CTNNA3: variants seen among roughly 807,000 people sequenced by gnomAD.
CTNNA3 encodes the protein catenin alpha-3.
Under a neutral mutation model 95.7 loss-of-function variants are expected in CTNNA3, and 76 were observed. The ratio of observed to expected loss-of-function variants is 0.79; its 90% CI spans 0.66 to 0.96. The LOEUF is 0.96. Ranked by LOEUF, CTNNA3 falls within the 40% of genes least tolerant of loss-of-function variation. CTNNA3 has a pLI of 0.00. For synonymous variants in CTNNA3, 431 were observed against 374.4 expected (o/e 1.15, Z -1.74); for missense variants, 1,191 against 1,089.8 (o/e 1.09, Z -1.31).
At chr10:66,013,084 G>A (rs1255654748) in intron 15 of CTNNA3, among the ~76,000 whole-genome samples, 2 of 152,132 alleles carry the variant, frequency 1.3e-5, no homozygotes, top group African/African-American at 4.8e-5. Flanking sequence ...TATTTTTAGT[G>A]GAGACAGTGT....
chr10:67,057,672 T>C (rs1253864750), intron 7 of CTNNA3, among the ~76,000 whole-genome samples: 3 of 152,088 alleles, frequency 2.0e-5, no homozygotes, highest in African/African-American at 4.8e-5. Flanking sequence ...CTCAGGAAAG[T>C]TGTAAGTTTG....
At chr10:67,345,079 C>G (rs970219977) in intron 5 of CTNNA3, among the ~76,000 whole-genome samples, 4 of 151,600 alleles carry the variant, frequency 2.6e-5, no homozygotes, top group Admixed American at 2.0e-4. Flanking sequence ...TTTCAATTTC[C>G]TTCTTAATTT....
At chr10:66,771,107 G>A (rs146707283) in intron 8 of CTNNA3, among the ~76,000 whole-genome samples, 47 of 152,210 alleles carry the variant, frequency 3.1e-4, no homozygotes, top group African/African-American at 1.0e-3. Context: ...CAACATGGAA[G>A]AGAGATGGAC....
intron 15 of CTNNA3, among the ~76,000 whole-genome samples, chr10:65,990,199 G>A (rs756945515): frequency 6.6e-6 from 1 of 151,728 alleles, no homozygotes; most frequent in Non-Finnish European, 1.5e-5. Flanking sequence ...TAGGGGTGCA[G>A]GTATCCTTTT....
At chr10:67,716,469 C>A (rs1256202225) in intron 1 of CTNNA3, among the ~76,000 whole-genome samples, 1 of 152,186 alleles carries the variant, frequency 6.6e-6, no homozygotes, top group Non-Finnish European at 1.5e-5. Flanking sequence ...CTCTCCCTCC[C>A]CTAGCCTCCA....
rs1348765576 is a variant in CTNNA3 at position 66,989,428 on chromosome 10, G to A, written c.1047+190889C>T. Among the ~76,000 whole-genome samples, 7 of 152,244 alleles carry A rather than the reference G, an allele frequency of 4.6e-5. No individual in the cohort carries two copies. The East Asian group carries it at 1.2e-3, about 25-fold the overall frequency. On this transcript the variant is annotated intron_variant, in intron 7 of 17. Transcript: ENST00000433211. ...TATATTTGTAGGTATAACAGAATTA[G>A]ACTACTTTAATAGCTGAATTCATTT...
At chr10:66,589,629 A>G (rs992283808) in intron 10 of CTNNA3, among the ~76,000 whole-genome samples, 3 of 152,104 alleles carry the variant, frequency 2.0e-5, no homozygotes, top group African/African-American at 2.4e-5. Context: ...CCTTTTTACA[A>G]TTTTCAAGAG....
At chr10:67,472,633 C>T (rs1847871177) in intron 5 of CTNNA3, among the ~76,000 whole-genome samples, 1 of 152,156 alleles carries the variant, frequency 6.6e-6, no homozygotes, top group Admixed American at 6.5e-5. Flanking sequence ...CATGCATAAT[C>T]CACCCCTTAG....
chr10:67,671,821 C>T (rs1257454822), intron 1 of CTNNA3, among the ~76,000 whole-genome samples: 1 of 151,672 alleles, frequency 6.6e-6, no homozygotes, highest in Non-Finnish European at 1.5e-5. Context: ...AATAAACATA[C>T]GTGTGCATGT....
At chr10:67,669,159 G>C (rs543220462) in intron 1 of CTNNA3, among the ~76,000 whole-genome samples, 2 of 152,208 alleles carry the variant, frequency 1.3e-5, no homozygotes, top group African/African-American at 4.8e-5. Flanking sequence ...AATTACAGCA[G>C]TGGGCTCTTA....
chr10:65,980,047 T>C (rs1353953964), intron 16 of CTNNA3, among the ~76,000 whole-genome samples: 10 of 151,902 alleles, frequency 6.6e-5, no homozygotes, highest in Non-Finnish European at 1.5e-4. Context: ...GCTGGTTCTT[T>C]GAAAAAATAA....
chr10:66,878,149 C>G (rs1219476804), intron 7 of CTNNA3, among the ~76,000 whole-genome samples: 1 of 152,044 alleles, frequency 6.6e-6, no homozygotes, highest in Non-Finnish European at 1.5e-5. Flanking sequence ...TCATTTTTTT[C>G]CATGAATGGG....
intron 5 of CTNNA3, among the ~76,000 whole-genome samples, chr10:67,331,818 G>T (rs1841805499): frequency 6.6e-6 from 1 of 152,158 alleles, no homozygotes; most frequent in Admixed American, 6.5e-5. Flanking sequence ...AATTCACCCA[G>T]TGAAGAGGAA....
chr10:66,052,364 G>A (rs2079976635), intron 15 of CTNNA3, among the ~76,000 whole-genome samples: 1 of 152,072 alleles, frequency 6.6e-6, no homozygotes, highest in South Asian at 2.1e-4. Flanking sequence ...AAATATCAAA[G>A]ATTGCCTTTG....
Position 66,466,339 on chromosome 10 carries a change from T to TACACACACACACAC in CTNNA3, c.1531+54264_1531+54277dup, listed in dbSNP as rs143601111. 9.1e-3 allele frequency among the ~76,000 whole-genome samples: 1,290 copies of TACACACACACACAC among 141,806 alleles called. 22 individuals carry two copies. Among genetic ancestry groups the TACACACACACACAC allele is most frequent in the East Asian group, 0.023 (105 of 4,530 alleles). The allele number at this position is 141,806 out of a possible 152,430, so 93.0% of individuals were successfully genotyped here. On this transcript the variant is annotated intron_variant, in intron 11 of 17. Coordinates refer to ENST00000433211, the MANE Select transcript of CTNNA3 (RefSeq NM_013266.4). Reference sequence around the variant, plus strand: ...ACACACACATACACGCACCCACCTATACACACACACACACACACACACACA... The same window carrying TACACACACACACAC: ...ACACACACATACACGCACCCACCTATACACACACACACACACACACACACACACACACACACACA...
rs144799517 is a variant in CTNNA3 at position 67,588,015 on chromosome 10, T to C, written c.292+18842A>G. ...TATTGTGGAAGCTTTTGAATACATT[T>C]TCTATTTCCATCAATAAATTCTTCA... is the stretch of plus-strand genomic sequence containing the variant. On this transcript the variant is annotated intron_variant, in intron 3 of 17. Coordinates refer to ENST00000433211, the MANE Select transcript of CTNNA3 (RefSeq NM_013266.4). Among the ~76,000 whole-genome samples the C allele has an allele frequency of 4.4e-3, 676 of 152,240 alleles. 2 individuals carry two copies. The highest frequency in any genetic ancestry group is 0.016 in the African/African-American group (652 of 41,568).
intron 11 of CTNNA3, among the ~76,000 whole-genome samples, chr10:66,419,474 C>T (rs553181372): frequency 6.6e-6 from 1 of 151,876 alleles, no homozygotes; most frequent in Non-Finnish European, 1.5e-5. Context: ...CCATAAACAA[C>T]CTAAAGACTC....
At chr10:66,359,604 A>G (rs2132418355) in intron 12 of CTNNA3, among the ~76,000 whole-genome samples, 1 of 152,178 alleles carries the variant, frequency 6.6e-6, no homozygotes, top group East Asian at 1.9e-4. Flanking sequence ...AATAGCATCA[A>G]TTAGGAGATA....
In CTNNA3 at chr10:67,074,607, C is replaced by T. The variant is rs577401150; in HGVS notation, c.1047+105710G>A. ...CCTTGTAATCCACCCACCTCGGGTT[C>T]CCAAAGTGCTGGGATTACAGGCGTG... is the stretch of plus-strand genomic sequence containing the variant. On this transcript the variant is annotated intron_variant, in intron 7 of 17. Coordinates refer to ENST00000433211, the MANE Select transcript of CTNNA3 (RefSeq NM_013266.4). Among the ~76,000 whole-genome samples, 71 of 152,228 alleles carry T rather than the reference C, an allele frequency of 4.7e-4. 1 individual carries two copies. The highest frequency in any genetic ancestry group is 1.6e-3 in the African/African-American group (66 of 41,552).
Sources: allele counts gnomAD v4.1 joint callset (sites outside exome capture counted in the v4.1 genomes callset), GRCh38; gene constraint gnomAD v4.1.1; transcripts MANE v1.5; gene names NCBI Gene and HGNC (gene_info 2026-07-23, HGNC 2026-07-21).